Variants in TRIM36 observed in about 807,000 individuals in gnomAD.
TRIM36 encodes E3 ubiquitin-protein ligase TRIM36.
Under a neutral mutation model 72.4 loss-of-function variants are expected in TRIM36, and 42 were observed. The observed-to-expected ratio is 0.58, with a 90% confidence interval of 0.45 to 0.75. The LOEUF (loss-of-function observed/expected upper bound fraction) is 0.75. Among genes scored for constraint, TRIM36 ranks in the 30% least tolerant of loss-of-function variants. The probability of loss-of-function intolerance (pLI) is 0.00; values close to 1 mark genes in which losing one functional copy is unlikely to be tolerated. For missense variants in TRIM36, 913 were observed against 857.1 expected (o/e 1.07, Z -0.81); for synonymous variants, 315 against 282.8 (o/e 1.11, Z -1.14).
At chr5:115,171,752 T>C (rs1755125854), upstream of TRIM36, among the ~76,000 whole-genome samples, 1 of 152,258 alleles carries the variant, frequency 6.6e-6, no homozygotes, top group Non-Finnish European at 1.5e-5. Flanking sequence ...ATTTTCTACC[T>C]GATCCACAAA....
intron 4 of TRIM36, among the ~76,000 whole-genome samples, chr5:115,144,096 G>A (rs1413900321): frequency 6.6e-6 from 1 of 151,710 alleles, no homozygotes; most frequent in African/African-American, 2.4e-5. Flanking sequence ...GGATGGTCTC[G>A]ATCTCCTGAC....
chr5:115,169,720 C>A lies in TRIM36; in HGVS notation c.-86G>T. The A allele has an allele frequency of 1.3e-6, 2 of 1,483,252 alleles. No individual in the cohort carries two copies. Among genetic ancestry groups the A allele is most frequent in the South Asian group, 2.6e-5 (2 of 78,094 alleles). 91.9% of individuals were successfully genotyped at this position (1,483,252 alleles called of 1,614,324 possible). ...GGGTCTGGTGGGCGGGTCCCTGCGG[C>A]GGCCGTGGAGCCTCGGTCCGAAGCT... On this transcript the variant is annotated 5_prime_UTR_variant, in exon 1 of 10. Transcript: ENST00000513154.
chr5:115,149,429 G>A (rs1580674367), intron 2 of TRIM36: 1 of 148,918 alleles, frequency 6.7e-6, no homozygotes, highest in East Asian at 2.4e-4. Context: ...TCTCAAAAGT[G>A]TTAAAAAAAT....
At position 115,157,767 on chromosome 5, in the gene TRIM36, G is replaced by A. The variant is rs1017111875; in HGVS notation, c.262+5751C>T. Among the ~76,000 whole-genome samples, 9 of 152,094 alleles carry A rather than the reference G, an allele frequency of 5.9e-5. No homozygotes were observed. The South Asian group carries it at 1.2e-3, about 21-fold the overall frequency. Reference sequence around the variant, plus strand: ...AGAAACTGTGGTATATATACACGACGGAATACTACTCAGCCATAAAATGGA... The same window carrying A: ...AGAAACTGTGGTATATATACACGACAGAATACTACTCAGCCATAAAATGGA... On this transcript the variant is annotated intron_variant, in intron 2 of 9. Transcript: ENST00000513154.
chr5:115,129,694 C>G (rs558942022), intron 9 of TRIM36, among the ~76,000 whole-genome samples: 1 of 152,252 alleles, frequency 6.6e-6, no homozygotes, highest in Non-Finnish European at 1.5e-5. Flanking sequence ...AACTCTATTT[C>G]CTGGTTGGGA....
intron 2 of TRIM36, among the ~76,000 whole-genome samples, chr5:115,159,245 C>T (rs1754347336): frequency 6.6e-6 from 1 of 152,050 alleles, no homozygotes; most frequent in Admixed American, 6.5e-5. Flanking sequence ...ATAATCAATA[C>T]CTTTAATCAA....
chr5:115,166,229 A>G (rs1387762525), intron 1 of TRIM36, among the ~76,000 whole-genome samples: 1 of 152,098 alleles, frequency 6.6e-6, no homozygotes. Flanking sequence ...ACTTACAGTG[A>G]ATTTTCCAGG....
At chr5:115,146,604 T>A (rs1041118442) in intron 3 of TRIM36, among the ~76,000 whole-genome samples, 1 of 152,220 alleles carries the variant, frequency 6.6e-6, no homozygotes, top group Non-Finnish European at 1.5e-5. Context: ...ATAACCATTA[T>A]ATCACAAACT....
intron 2 of TRIM36, among the ~76,000 whole-genome samples, chr5:115,160,289 T>C (rs1460124825): frequency 6.6e-6 from 1 of 152,192 alleles, no homozygotes; most frequent in Non-Finnish European, 1.5e-5. Flanking sequence ...GTTTAAATTT[T>C]CCAGTAGCCA....
chr5:115,139,033 A>G (rs957052076), intron 5 of TRIM36, among the ~76,000 whole-genome samples: 18 of 151,710 alleles, frequency 1.2e-4, no homozygotes, highest in Non-Finnish European at 2.2e-4. Context: ...GTTAGCCAGG[A>G]TGGTCTTGAT....
chr5:115,138,598 A>G (rs1051478860), intron 5 of TRIM36, among the ~76,000 whole-genome samples: 12 of 152,256 alleles, frequency 7.9e-5, no homozygotes, highest in Non-Finnish European at 1.6e-4. Context: ...GGTTTTTGTG[A>G]AGAGATTTTA....
chr5:115,160,378 T>C (rs1057269655), intron 2 of TRIM36, among the ~76,000 whole-genome samples: 2 of 152,212 alleles, frequency 1.3e-5, no homozygotes, highest in African/African-American at 4.8e-5. Context: ...ATATAAACAA[T>C]ATAACAATTA....
intron 4 of TRIM36, among the ~76,000 whole-genome samples, chr5:115,144,266 C>G (rs1426817717): frequency 6.6e-6 from 1 of 152,150 alleles, no homozygotes; most frequent in Non-Finnish European, 1.5e-5. Context: ...AGCCACAACC[C>G]TTTAAAGTAT....
At chr5:115,137,160 A>G in intron 6 of TRIM36, 36 bp from the exon 7 acceptor site, 1 of 1,541,028 alleles carries the variant, frequency 6.5e-7, no homozygotes, top group Non-Finnish European at 8.7e-7. Context: ...ATGTTTCTTT[A>G]AGAAGTCAAA....
intron 2 of TRIM36, among the ~76,000 whole-genome samples, chr5:115,161,978 T>A (rs79951065): frequency 0.014 from 2,104 of 152,312 alleles, 54 homozygotes; most frequent in African/African-American, 0.048. Context: ...TTAGCCCATT[T>A]CATTTCTGGA....
upstream of TRIM36, among the ~76,000 whole-genome samples, chr5:115,170,877 C>A (rs1273380072): frequency 6.6e-6 from 1 of 152,252 alleles, no homozygotes; most frequent in Admixed American, 6.5e-5. Flanking sequence ...CGTTAAGGCG[C>A]GCGCCAGCTC....
chr5:115,158,453 G>C (rs1445144604), intron 2 of TRIM36, among the ~76,000 whole-genome samples: 1 of 152,152 alleles, frequency 6.6e-6, no homozygotes, highest in Non-Finnish European at 1.5e-5. Flanking sequence ...AAAGAGAAGA[G>C]AGTCAGTTCA....
intron 5 of TRIM36, among the ~76,000 whole-genome samples, chr5:115,138,632 T>C (rs530979109): frequency 2.0e-5 from 3 of 152,172 alleles, no homozygotes; most frequent in Non-Finnish European, 4.4e-5. Flanking sequence ...ATAAAGTATA[T>C]ACCACAGTGT....
At chr5:115,168,752 A>G (rs1054924902) in intron 1 of TRIM36, among the ~76,000 whole-genome samples, 1 of 152,222 alleles carries the variant, frequency 6.6e-6, no homozygotes, top group African/African-American at 2.4e-5. Context: ...TTCACATCCT[A>G]TCTCATTTCA....
Sources: allele counts gnomAD v4.1 joint callset (sites outside exome capture counted in the v4.1 genomes callset), GRCh38; gene constraint gnomAD v4.1.1; transcripts MANE v1.5; gene names NCBI Gene and HGNC (gene_info 2026-07-23, HGNC 2026-07-21).